OPN3: variants seen among roughly 807,000 people sequenced by gnomAD.
The protein encoded by OPN3 is opsin 3.
Under a neutral mutation model 33.8 loss-of-function variants are expected in OPN3, and 29 were observed. The observed-to-expected ratio is 0.86, with a 90% CI of 0.64 to 1.17. The LOEUF (loss-of-function observed/expected upper bound fraction) is 1.17, where lower values mean the gene tolerates loss of function less well. Among genes scored for constraint, OPN3 ranks in the 50% most tolerant of loss-of-function variants. The pLI is 0.00. For missense variants in OPN3, 437 were observed against 514.1 expected (o/e 0.85, Z 1.45); for synonymous variants, 216 against 216.1 (o/e 1.00, Z 0.00).
At chr1:241,599,281 A>G (rs1663619308) in intron 2 of OPN3, among the ~76,000 whole-genome samples, 1 of 152,028 alleles carries the variant, frequency 6.6e-6, no homozygotes, top group Admixed American at 6.6e-5. Context: ...TTGCCATTAA[A>G]GGTAAACCTT....
At chr1:241,602,390 G>T (rs1448528445) in intron 2 of OPN3, among the ~76,000 whole-genome samples, 1 of 152,208 alleles carries the variant, frequency 6.6e-6, no homozygotes, top group Non-Finnish European at 1.5e-5. Context: ...ATTAGTGGCA[G>T]TGCGGTAGAG....
In OPN3 at chr1:241,594,410, C is replaced by T. The variant is rs185745993; in HGVS notation, c.*18G>A. ...GCATCCAATTTAAGGCCCCATCTTT[C>T]GTTGCCATTCTTCATTCCTACAAAG... On this transcript the variant is annotated 3_prime_UTR_variant, in exon 4 of 4. Transcript: ENST00000366554. 182 of 1,604,792 alleles carry T rather than the reference C, an allele frequency of 1.1e-4. No individual in the cohort carries two copies. The highest frequency in any genetic ancestry group is 1.5e-4 in the Non-Finnish European group (172 of 1,173,884).
At chr1:241,633,800 T>G (rs1664745220) in intron 1 of OPN3, 2 of 1,613,268 alleles carry the variant, frequency 1.2e-6, no homozygotes, top group Non-Finnish European at 1.7e-6. Context: ...TCTTTTCTAA[T>G]TTTGAAGGTG....
Position 241,604,339 on chromosome 1 carries a change from A to G in OPN3, c.614T>C (p.Phe205Ser). The G allele has an allele frequency of 6.2e-7, 1 of 1,614,232 alleles. No individual in the cohort carries two copies. Among genetic ancestry groups the G allele is most frequent in the African/African-American group, 1.3e-5 (1 of 75,066 alleles). Residue 205 changes from phenylalanine to serine, a missense_variant, in exon 2 of 4, where the codon TTC (phenylalanine) becomes TCC (serine). Phe to Ser is a radical substitution (Grantham distance 155). Transcript: ENST00000366554. Reference protein sequence around the residue: ...KDANDSSFVLFLFLGCLVVPL... With the variant: ...KDANDSSFVLSLFLGCLVVPL... ...CACCACCAGGCAGCCAAGAAATAAG[A>G]AAAGCACAAAGGAGGAATCGTTGGC...
chr1:241,634,878 GCATCCTCTTTTCAAC>G (rs1324436989), intron 1 of OPN3: 1 of 1,609,816 alleles, frequency 6.2e-7, no homozygotes, highest in Non-Finnish European at 8.5e-7. Context: ...AATTTCATTA[GCATCCTCTTTTCAAC>G]CATGGTGAGT....
At chr1:241,627,776 T>C (rs547512544) in intron 1 of OPN3, among the ~76,000 whole-genome samples, 1 of 152,172 alleles carries the variant, frequency 6.6e-6, no homozygotes, top group African/African-American at 2.4e-5. Flanking sequence ...AATACTAAAA[T>C]AAAAATCTGA....
At chr1:241,599,151 G>T (rs951910572) in intron 2 of OPN3, among the ~76,000 whole-genome samples, 2 of 147,950 alleles carry the variant, frequency 1.4e-5, no homozygotes, top group African/African-American at 2.4e-5. Context: ...GATTAGCAAA[G>T]AATAGAGAGA....
At chr1:241,638,947 C>T (rs1320153192) in intron 1 of OPN3, among the ~76,000 whole-genome samples, 2 of 152,162 alleles carry the variant, frequency 1.3e-5, no homozygotes, top group East Asian at 3.8e-4. Flanking sequence ...TTGAGAAATA[C>T]ACATTTCTAT....
At position 241,636,447 on chromosome 1, in the gene OPN3, T is replaced by G. The variant is rs113852019; in HGVS notation, c.373+3435A>C. ...GGCTCCACTGTTTATAGAAACAGAT[T>G]ATAAACTATGTGCATACTGCCATGA... On this transcript the variant is annotated intron_variant, in intron 1 of 3. Transcript: ENST00000366554. Among the ~76,000 whole-genome samples the G allele has an allele frequency of 6.6e-3, 1,002 of 152,332 alleles. 8 individuals are homozygous for G. The highest frequency in any genetic ancestry group is 9.6e-3 in the Non-Finnish European group (656 of 68,028).
chr1:241,617,289 T>C (rs1202929201), intron 1 of OPN3, among the ~76,000 whole-genome samples: 4 of 152,230 alleles, frequency 2.6e-5, no homozygotes, highest in Admixed American at 2.0e-4. Context: ...GCAAGTTGTT[T>C]CTCAGCAATG....
At chr1:241,619,934 A>G (rs1664231287) in intron 1 of OPN3, among the ~76,000 whole-genome samples, 1 of 152,216 alleles carries the variant, frequency 6.6e-6, no homozygotes, top group Admixed American at 6.5e-5. Context: ...GCAAAGTCAT[A>G]AAATATGGTC....
At chr1:241,638,201 C>T (rs1664977342) in intron 1 of OPN3, among the ~76,000 whole-genome samples, 1 of 152,034 alleles carries the variant, frequency 6.6e-6, no homozygotes, top group Non-Finnish European at 1.5e-5. Flanking sequence ...ATAGGGCAGC[C>T]CTCAGGCAAA....
At chr1:241,631,903 G>A (rs901109461) in intron 1 of OPN3, 1 of 152,122 alleles carries the variant, frequency 6.6e-6, no homozygotes, top group Non-Finnish European at 1.5e-5. Context: ...TTAGTAGAAA[G>A]ATCAAAGGTT....
At chr1:241,600,967 A>G (rs663790) in intron 2 of OPN3, 21,407 of 152,032 alleles carry the variant, frequency 0.14, 2,341 homozygotes, top group African/African-American at 0.27. Context: ...AGGATGGGAA[A>G]CTGGTTCTGA....
At chr1:241,622,021 C>T (rs1664280581) in intron 1 of OPN3, among the ~76,000 whole-genome samples, 1 of 152,148 alleles carries the variant, frequency 6.6e-6, no homozygotes, top group East Asian at 1.9e-4. Context: ...TTCAATGTTT[C>T]ACTCTCCTAA....
chr1:241,624,866 C>CAGCT (rs140773903), intron 1 of OPN3, among the ~76,000 whole-genome samples: 12,909 of 152,172 alleles, frequency 0.085, 649 homozygotes, highest in African/African-American at 0.14. Context: ...TACCACTTAC[C>CAGCT]AGCTGTGTGA....
intron 1 of OPN3, among the ~76,000 whole-genome samples, chr1:241,625,822 G>C (rs889850467): frequency 6.6e-6 from 1 of 152,152 alleles, no homozygotes; most frequent in Non-Finnish European, 1.5e-5. Context: ...TCTCAACTTG[G>C]CGCTTATCGA....
intron 2 of OPN3, among the ~76,000 whole-genome samples, chr1:241,599,730 C>T (rs1298526642): frequency 6.6e-6 from 1 of 152,042 alleles, no homozygotes. Flanking sequence ...CCAGATTAAC[C>T]ACTTTTGCTC....
intron 1 of OPN3, among the ~76,000 whole-genome samples, chr1:241,606,818 A>G (rs963184603): frequency 4.6e-5 from 7 of 152,188 alleles, no homozygotes; most frequent in Non-Finnish European, 8.8e-5. Flanking sequence ...TAAGGGAGAA[A>G]AGGGTGTGGG....
Sources: gnomAD v4.1 joint callset for allele counts (sites outside exome capture counted in the v4.1 genomes callset) on GRCh38, gnomAD v4.1.1 for gene constraint, MANE v1.5 for transcripts, NCBI Gene and HGNC (gene_info 2026-07-23, HGNC 2026-07-21) for gene names.